PLCG2: variants seen among roughly 807,000 people sequenced by gnomAD.
The protein encoded by PLCG2 is phospholipase C gamma 2.
Under a neutral mutation model 175.6 loss-of-function variants are expected in PLCG2, and 69 were observed. The ratio of observed to expected loss-of-function variants is 0.39; its 90% CI spans 0.32 to 0.48. The LOEUF (loss-of-function observed/expected upper bound fraction) is 0.48. Ranked by LOEUF, PLCG2 falls within the 20% of genes least tolerant of loss-of-function variation. PLCG2 has a pLI of 0.91. For synonymous variants in PLCG2, 827 were observed against 624.0 expected (o/e 1.33, Z -4.85); for missense variants, 1,798 against 1,650.9 (o/e 1.09, Z -1.54).
intron 11 of PLCG2, 25 bp from the exon 12 acceptor site, chr16:81,893,683 AC>A: frequency 6.6e-7 from 1 of 1,520,548 alleles, no homozygotes; most frequent in Non-Finnish European, 9.1e-7. Flanking sequence ...CCACTCTCAC[AC>A]GGCCACCTGC....
chr16:81,796,323 A>C (rs1049184879), intron 2 of PLCG2, among the ~76,000 whole-genome samples: 2 of 151,976 alleles, frequency 1.3e-5, no homozygotes, highest in Non-Finnish European at 2.9e-5. Context: ...TGGTTTTGCA[A>C]CCTCCCAAGG....
chr16:81,946,428 G>A (rs147266556), intron 31 of PLCG2, among the ~76,000 whole-genome samples, 165 bp downstream of exon 31: 60 of 152,244 alleles, frequency 3.9e-4, no homozygotes, highest in African/African-American at 1.4e-3. Context: ...TCCCCAGAGT[G>A]TCCTGGGTTT....
chr16:81,748,777 T>G (rs773076586), intron 1 of PLCG2, among the ~76,000 whole-genome samples: 2 of 152,214 alleles, frequency 1.3e-5, no homozygotes, highest in African/African-American at 2.4e-5. Context: ...CCAGTGACTT[T>G]CATATCTGTT....
intron 2 of PLCG2, among the ~76,000 whole-genome samples, chr16:81,756,764 A>G (rs2143077953): frequency 6.6e-6 from 1 of 152,362 alleles, no homozygotes; most frequent in Admixed American, 6.5e-5. Context: ...CCCAAACAAC[A>G]AAGCTGCGTT....
At chr16:81,861,561 C>T (rs80179667) in intron 5 of PLCG2, among the ~76,000 whole-genome samples, 2 of 152,352 alleles carry the variant, frequency 1.3e-5, no homozygotes, top group East Asian at 3.9e-4. Flanking sequence ...CTGCCTGCTC[C>T]GCCACGCTGG....
chr16:81,791,892 A>G (rs1024098379), intron 2 of PLCG2, among the ~76,000 whole-genome samples: 1 of 152,126 alleles, frequency 6.6e-6, no homozygotes, highest in African/African-American at 2.4e-5. Context: ...CCAAACATCT[A>G]CCATGTGGTG....
intron 2 of PLCG2, among the ~76,000 whole-genome samples, chr16:81,794,561 G>C (rs922986250): frequency 1.3e-5 from 2 of 152,034 alleles, no homozygotes; most frequent in South Asian, 4.1e-4. Context: ...ACTTGGTAGG[G>C]GTGTGACCTT....
At chr16:81,955,421 T>C (rs528460334) in intron 31 of PLCG2, among the ~76,000 whole-genome samples, 1 of 152,056 alleles carries the variant, frequency 6.6e-6, no homozygotes, top group African/African-American at 2.4e-5. Context: ...CTTCACAGAG[T>C]AGTCAGGGAT....
chr16:81,873,775 A>C (rs1907633918), intron 7 of PLCG2, among the ~76,000 whole-genome samples: 1 of 152,184 alleles, frequency 6.6e-6, no homozygotes, highest in Non-Finnish European at 1.5e-5. Flanking sequence ...ATTATTAAAT[A>C]ATATTAAAAA....
At chr16:81,860,925 C>G (rs905317372) in intron 5 of PLCG2, among the ~76,000 whole-genome samples, 1 of 151,924 alleles carries the variant, frequency 6.6e-6, no homozygotes, top group Admixed American at 6.6e-5. Flanking sequence ...TGCAGTGAGC[C>G]GAGATCGCGC....
At chr16:81,918,315 T>C (rs1043215991) in intron 19 of PLCG2, among the ~76,000 whole-genome samples, 4 of 152,200 alleles carry the variant, frequency 2.6e-5, no homozygotes, top group Admixed American at 6.5e-5. Context: ...TTTCTTCTAG[T>C]AGTTTTACAG....
rs372347274 is a variant in PLCG2 at position 81,908,529 on chromosome 16, G to A, written c.1671G>A (p.Lys557=). Residue 557 remains lysine, a synonymous_variant, in exon 17 of 33, where the codon AAG becomes AAA. Transcript: ENST00000564138. ...LQEYCMETGG[K]DGTFLVRESE... is the part of the protein sequence containing the mutation. ...AATACTGCATGGAGACGGGGGGCAA[G>A]GATGGCACCTTCCTGGTTCGGGAGA... is the stretch of plus-strand genomic sequence containing the variant. 2,768 of 1,613,648 alleles carry A rather than the reference G, an allele frequency of 1.7e-3. 7 individuals are homozygous for A. Among genetic ancestry groups the A allele is most frequent in the Non-Finnish European group, 2.2e-3 (2,577 of 1,180,008 alleles).
Position 81,938,610 on chromosome 16 carries a change from G to T in PLCG2, c.3199-191G>T, listed in dbSNP as rs1910812740. 15 of 579,772 alleles carry T rather than the reference G, an allele frequency of 2.6e-5. No homozygotes were observed. The South Asian group carries it at 3.2e-4, about 12-fold the overall frequency. The allele number at this position is 579,772 out of a possible 1,614,324, so 35.9% of individuals were successfully genotyped here. A position where few individuals can be genotyped will look rare whatever the true frequency, so the allele number is the denominator to read the frequency against. ...GGGCCGAGACCCAGGCTGATGCTGA[G>T]GAACTGTGGGATCTACCACAGTCCA... On this transcript the variant is annotated intron_variant, in intron 28 of 32. Transcript: ENST00000564138.
At chr16:81,805,271 G>C (rs897125178) in intron 2 of PLCG2, among the ~76,000 whole-genome samples, 32 of 152,224 alleles carry the variant, frequency 2.1e-4, no homozygotes, top group African/African-American at 7.5e-4. Flanking sequence ...AGGCCAAGGT[G>C]GATGGATCAC....
At chr16:81,833,743 G>C (rs907953372) in intron 2 of PLCG2, among the ~76,000 whole-genome samples, 6 of 151,982 alleles carry the variant, frequency 3.9e-5, no homozygotes, top group African/African-American at 1.4e-4. Context: ...CAGCCAAGGT[G>C]AGGGTGTTGC....
At chr16:81,787,103 T>C (rs4591139) in intron 2 of PLCG2, among the ~76,000 whole-genome samples, 91,837 of 152,240 alleles carry the variant, frequency 0.6, 28,110 homozygotes, top group South Asian at 0.71. Context: ...CTTGGACACA[T>C]GACATGTAAT....
chr16:81,866,928 G>A (rs932903134), intron 5 of PLCG2, among the ~76,000 whole-genome samples: 2 of 152,228 alleles, frequency 1.3e-5, no homozygotes, highest in Non-Finnish European at 2.9e-5. Context: ...GCAAGCCCCT[G>A]GGGCAACTTC....
chr16:81,908,324 AC>A, intron 16 of PLCG2, 91 bp from the exon 17 acceptor site: 1 of 1,203,872 alleles, frequency 8.3e-7, no homozygotes, highest in Non-Finnish European at 1.2e-6. Flanking sequence ...GTTATCTGGT[AC>A]CCTGGGTCAG....
chr16:81,883,537 T>G, intron 9 of PLCG2, 196 bp downstream of exon 9: 1 of 598,950 alleles, frequency 1.7e-6, no homozygotes, highest in Non-Finnish European at 3.0e-6. Context: ...CTGATGCCAC[T>G]GAAACTCTGG....
Sources: gnomAD v4.1 joint callset for allele counts (sites outside exome capture counted in the v4.1 genomes callset) on GRCh38, gnomAD v4.1.1 for gene constraint, MANE v1.5 for transcripts, NCBI Gene and HGNC (gene_info 2026-07-23, HGNC 2026-07-21) for gene names.